The following SPMIP2 variants were observed in gnomAD, a reference collection of about 807,000 sequenced individuals.
SPMIP2 encodes protein SPMIP2.
chr4:159,006,897 T>C, the SPMIP2 span, among the ~76,000 whole-genome samples: 1 of 152,212 alleles, frequency 6.6e-6, no homozygotes, highest in East Asian at 1.9e-4. Context: ...GTCCTCCCTT[T>C]GAGAGGCAAA....
chr4:158,975,477 A>C, the SPMIP2 span, among the ~76,000 whole-genome samples: 1 of 152,316 alleles, frequency 6.6e-6, no homozygotes. Flanking sequence ...ATTTTTGTAA[A>C]AGGTGTAAGG....
At chr4:159,070,404 A>C in the SPMIP2 span, among the ~76,000 whole-genome samples, 2 of 152,206 alleles carry the variant, frequency 1.3e-5, no homozygotes, top group South Asian at 2.1e-4. Context: ...TTAAGTTTCC[A>C]TCATATTGTC....
At chr4:159,025,188 CCA>C in the SPMIP2 span, among the ~76,000 whole-genome samples, 1 of 152,096 alleles carries the variant, frequency 6.6e-6, no homozygotes, top group African/African-American at 2.4e-5. Flanking sequence ...CAAGCCCACC[CCA>C]GTCTTGCTCT....
chr4:159,037,427 C>T, the SPMIP2 span, among the ~76,000 whole-genome samples: 3 of 150,470 alleles, frequency 2.0e-5, no homozygotes, highest in Admixed American at 1.3e-4. Context: ...ATCCTTGTTA[C>T]CTCCTGCTGT....
At chr4:158,990,019 TTAAA>T in the SPMIP2 span, among the ~76,000 whole-genome samples, 39 of 152,134 alleles carry the variant, frequency 2.6e-4, no homozygotes, top group African/African-American at 9.4e-4. Flanking sequence ...TCCAAAGAAC[TTAAA>T]TAAATTTACA....
the SPMIP2 span, among the ~76,000 whole-genome samples, chr4:158,992,016 C>G: frequency 6.6e-6 from 1 of 152,134 alleles, no homozygotes; most frequent in East Asian, 1.9e-4. Context: ...CTCAGCCTCT[C>G]GAGTAGCTAG....
chr4:158,972,755 A>G, the SPMIP2 span, among the ~76,000 whole-genome samples: 1 of 152,234 alleles, frequency 6.6e-6, no homozygotes, highest in Non-Finnish European at 1.5e-5. Context: ...TCCATCGTCC[A>G]CGCATGAAGC....
the SPMIP2 span, among the ~76,000 whole-genome samples, chr4:158,914,610 T>C: frequency 1.3e-5 from 2 of 152,208 alleles, no homozygotes; most frequent in African/African-American, 2.4e-5. Flanking sequence ...GTATGGTTTG[T>C]ACACAGACCT....
chr4:158,918,263 C>T, the SPMIP2 span, among the ~76,000 whole-genome samples: 1 of 152,214 alleles, frequency 6.6e-6, no homozygotes, highest in African/African-American at 2.4e-5. Flanking sequence ...CTCCCGCTCC[C>T]TTCACCCCAC....
At chr4:158,965,317 G>A in the SPMIP2 span, among the ~76,000 whole-genome samples, 2 of 151,708 alleles carry the variant, frequency 1.3e-5, no homozygotes, top group Admixed American at 6.6e-5. Flanking sequence ...TGTGATGGAT[G>A]ACCAGCCATT....
At chr4:159,052,371 AAAC>A in the SPMIP2 span, among the ~76,000 whole-genome samples, 53 of 151,524 alleles carry the variant, frequency 3.5e-4, no homozygotes, top group East Asian at 4.8e-3. Flanking sequence ...TAGACCCTGA[AAAC>A]AACAACAACA....
At chr4:159,019,702 T>C in the SPMIP2 span, among the ~76,000 whole-genome samples, 1 of 152,110 alleles carries the variant, frequency 6.6e-6, no homozygotes, top group Non-Finnish European at 1.5e-5. Context: ...ACTGGGACAA[T>C]TGGTCAACTT....
the SPMIP2 span, among the ~76,000 whole-genome samples, chr4:158,946,384 G>A: frequency 7.2e-6 from 1 of 139,740 alleles, no homozygotes; most frequent in African/African-American, 2.7e-5. Flanking sequence ...CACCCAAATC[G>A]AATCCCAAAT....
chr4:158,926,313 T>TA, the SPMIP2 span, among the ~76,000 whole-genome samples: 2 of 152,132 alleles, frequency 1.3e-5, no homozygotes, highest in Non-Finnish European at 2.9e-5. Flanking sequence ...CTTTTTATTG[T>TA]AGGTATTGAT....
At chr4:158,922,687 A>C in the SPMIP2 span, among the ~76,000 whole-genome samples, 3 of 152,182 alleles carry the variant, frequency 2.0e-5, no homozygotes, top group Admixed American at 2.0e-4. Context: ...AATCACCACC[A>C]CTTAATAATT....
At chr4:158,901,128 A>ATTTTT in the SPMIP2 span, among the ~76,000 whole-genome samples, 98 of 112,280 alleles carry the variant, frequency 8.7e-4, 1 homozygote, top group South Asian at 1.1e-3. Flanking sequence ...CTGGGTTGAA[A>ATTTTT]TTTTTTTTTT....
the SPMIP2 span, among the ~76,000 whole-genome samples, chr4:159,030,284 C>T: frequency 6.6e-6 from 1 of 151,898 alleles, no homozygotes; most frequent in African/African-American, 2.4e-5. Flanking sequence ...TGATGGTACA[C>T]ACCTATAGTC....
At chr4:159,033,878 G>A in the SPMIP2 span, among the ~76,000 whole-genome samples, 6 of 152,172 alleles carry the variant, frequency 3.9e-5, no homozygotes, top group East Asian at 1.9e-4. Context: ...TTCACGCCTG[G>A]AATCCCGACA....
the SPMIP2 span, among the ~76,000 whole-genome samples, chr4:158,948,118 C>G: frequency 2.0e-5 from 3 of 152,150 alleles, no homozygotes; most frequent in African/African-American, 7.2e-5. Context: ...TTTGCTTGTT[C>G]CTGTCTGAAT....
Sources: allele counts gnomAD v4.1 joint callset (sites outside exome capture counted in the v4.1 genomes callset), GRCh38; gene constraint gnomAD v4.1.1; transcripts MANE v1.5; gene names NCBI Gene and HGNC (gene_info 2026-07-23, HGNC 2026-07-21).